The following LAMB4 variants were observed in gnomAD, a reference collection of about 807,000 sequenced individuals.
LAMB4 encodes laminin subunit beta-4.
LAMB4 carries 196 observed loss-of-function variants against 199.2 expected under a neutral mutation model. The observed-to-expected ratio is 0.98, with a 90% confidence interval of 0.88 to 1.11. The LOEUF is 1.11. Among genes scored for constraint, LAMB4 ranks in the 50% least tolerant of loss-of-function variants. LAMB4 has a pLI of 0.00. For missense variants in LAMB4, 2,080 were observed against 2,171.2 expected (o/e 0.96, Z 0.83); for synonymous variants, 744 against 770.6 (o/e 0.97, Z 0.57).
rs986924754 is a variant in LAMB4 at position 108,111,813 on chromosome 7, T to C, written c.326A>G (p.Asn109Ser). ...DREKKWWQSE[N>S]GLDHVSIRLD... ...CTGGAAAGGAACTTAAATCATACCA[T>C]TTTCAGATTGCCACCATTTCTTTTC... The change falls in exon 4 of 34, where the codon AAT becomes AGT. Residue 109 changes from asparagine to serine, a missense_variant and splice_region_variant. Coordinates refer to ENST00000388781, the MANE Select transcript of LAMB4 (RefSeq NM_007356.3). The C allele has an allele frequency of 1.2e-6, 2 of 1,611,212 alleles. No homozygotes were observed. The highest frequency in any genetic ancestry group is 1.7e-6 in the Non-Finnish European group (2 of 1,178,872).
chr7:108,116,402 A>G (rs17155003), intron 2 of LAMB4, among the ~76,000 whole-genome samples: 19,356 of 152,124 alleles, frequency 0.13, 3,987 homozygotes, highest in African/African-American at 0.43. Context: ...TTGGATTAAA[A>G]ATAAATACTT....
chr7:108,045,408 C>A (rs1313670895), intron 28 of LAMB4, among the ~76,000 whole-genome samples: 1 of 152,222 alleles, frequency 6.6e-6, no homozygotes, highest in African/African-American at 2.4e-5. Context: ...TCTTCTGGCA[C>A]TCTTCCTCCT....
At chr7:108,117,301 A>C (rs1487979675) in intron 2 of LAMB4, among the ~76,000 whole-genome samples, 2 of 152,218 alleles carry the variant, frequency 1.3e-5, no homozygotes, top group East Asian at 1.9e-4. Context: ...AAGCATTCTA[A>C]TCATTCCGAG....
rs1233121800 is a variant in LAMB4, at chr7:108,105,858, T to C, written c.829A>G (p.Met277Val). 1.9e-6 allele frequency: 3 copies of C among 1,614,242 alleles called. No individual in the cohort carries two copies. The highest frequency in any genetic ancestry group is 2.2e-5 in the South Asian group (2 of 91,082). Residue 277 changes from methionine to valine, a missense_variant, in exon 8 of 34, where the codon ATG becomes GTG. Transcript: ENST00000388781. ...CNGHASECRP[M>V]QKMRGDVFSP... ...AAAACATCTCCCCGCATCTTCTGCA[T>C]AGGGCGACATTCGCTAGCATGGCCA...
In LAMB4 at chr7:108,092,405, C is replaced by T. The variant is rs199975045; in HGVS notation, c.1482G>A (p.Trp494Ter). The change falls in exon 13 of 34, where the codon TGG becomes TGA. Residue 494 changes from tryptophan to a stop codon, truncating the protein, a stop_gained. Coordinates refer to ENST00000388781, the MANE Select transcript of LAMB4 (RefSeq NM_007356.3). LOFTEE classifies it high-confidence loss of function. ...ACCCATGGAGATGATTTCCCAGGCC[C>T]CAGTATCCAACCTACAGAGAAAAAA... ...AHCEECTVGY[W>*]GLGNHLHGCS... The T allele has an allele frequency of 2.6e-5, 42 of 1,613,698 alleles. No individual in the cohort carries two copies. The highest frequency in any genetic ancestry group is 3.3e-5 in the Non-Finnish European group (39 of 1,179,762).
chr7:108,047,925 G>A lies in LAMB4; in HGVS notation c.4309C>T (p.Arg1437Cys), dbSNP rs140847960. Reference sequence around the variant, plus strand: ...ATATTTACCTGATTTTTCAACCCACGAACCTGTTTGTCCAAATTACGAATA... The same window carrying A: ...ATATTTACCTGATTTTTCAACCCACAAACCTGTTTGTCCAAATTACGAATA... ...SIIRNLDKQV[R>C]GLKNQIESIS... The change falls in exon 28 of 34, where the codon CGT (arginine) becomes TGT (cysteine). Residue 1437 changes from arginine (R) to cysteine (C), a missense_variant. Transcript: ENST00000388781. 25 of 1,613,716 alleles carry A rather than the reference G, an allele frequency of 1.5e-5. No individual in the cohort carries two copies. The highest frequency in any genetic ancestry group is 2.2e-5 in the East Asian group (1 of 44,882).
Position 108,066,529 on chromosome 7 carries a change from C to T in LAMB4, c.2518G>A (p.Gly840Arg), listed in dbSNP as rs1298631049. 2.5e-6 allele frequency: 4 copies of T among 1,614,012 alleles called. No individual in the cohort carries two copies. The highest frequency in any genetic ancestry group is 3.3e-5 in the Admixed American group (2 of 60,018). Residue 840 changes from glycine to arginine, a missense_variant, in exon 20 of 34, where the codon GGA becomes AGA. Physicochemically the swap from Gly to Arg is moderately radical, Grantham distance 125. Transcript: ENST00000388781. ...TCACAGCGGCGGCCAGACACCTCTC[C>T]ATGGCAGGGGCACTGTCCTGTTACT... ...DQVTGQCPCH[G>R]EVSGRRCDRC...
At chr7:108,048,814 T>C (rs964317558) in intron 27 of LAMB4, among the ~76,000 whole-genome samples, 1 of 152,162 alleles carries the variant, frequency 6.6e-6, no homozygotes, top group Non-Finnish European at 1.5e-5. Context: ...TGCCTCAACC[T>C]CCTGAGCAGC....
At chr7:108,066,246 G>T in intron 20 of LAMB4, 123 bp downstream of exon 20, 1 of 733,418 alleles carries the variant, frequency 1.4e-6, no homozygotes, top group Non-Finnish European at 2.2e-6. Flanking sequence ...TGCTCTCCCC[G>T]ACCTATAACA....
At chr7:108,100,626 C>T (rs1373206287) in intron 10 of LAMB4, among the ~76,000 whole-genome samples, 1 of 152,162 alleles carries the variant, frequency 6.6e-6, no homozygotes, top group African/African-American at 2.4e-5. Flanking sequence ...TCTTAAGGAA[C>T]AAGACTTTGA....
chr7:108,032,074 T>C (rs1476448428), intron 31 of LAMB4, among the ~76,000 whole-genome samples: 1 of 152,206 alleles, frequency 6.6e-6, no homozygotes, highest in Non-Finnish European at 1.5e-5. Context: ...TGTTGTTCAT[T>C]ATTTCTGATG....
intron 21 of LAMB4, among the ~76,000 whole-genome samples, chr7:108,065,112 G>A (rs558699959): frequency 6.1e-4 from 92 of 152,000 alleles, no homozygotes; most frequent in Non-Finnish European, 1.1e-3. Context: ...CTTGCTTTGC[G>A]GCCCAGGCTG....
intron 1 of LAMB4, among the ~76,000 whole-genome samples, chr7:108,127,822 G>A (rs956401212): frequency 6.6e-6 from 1 of 152,222 alleles, no homozygotes; most frequent in Non-Finnish European, 1.5e-5. Context: ...AGGCTGTCGT[G>A]TTGGGGTGAG....
chr7:108,070,988 A>T (rs1054466592), intron 17 of LAMB4, among the ~76,000 whole-genome samples: 4 of 152,174 alleles, frequency 2.6e-5, no homozygotes, highest in African/African-American at 9.7e-5. Context: ...CATCCGGAAC[A>T]TTTAGTGCTC....
chr7:108,125,012 T>A (rs1055616831), intron 1 of LAMB4, among the ~76,000 whole-genome samples: 4 of 152,342 alleles, frequency 2.6e-5, no homozygotes, highest in Non-Finnish European at 5.9e-5. Flanking sequence ...AGGCTCTTTA[T>A]GAAGCCTAGG....
intron 26 of LAMB4, among the ~76,000 whole-genome samples, 169 bp from the exon 27 acceptor site, chr7:108,049,700 A>C (rs1056953830): frequency 6.6e-6 from 1 of 152,208 alleles, no homozygotes; most frequent in African/African-American, 2.4e-5. Flanking sequence ...AGGATTAGCT[A>C]TAGTATAATA....
chr7:108,099,531 A>G (rs1346617596), intron 10 of LAMB4, among the ~76,000 whole-genome samples: 1 of 152,214 alleles, frequency 6.6e-6, no homozygotes, highest in African/African-American at 2.4e-5. Context: ...ATGTTGAAAC[A>G]GCACTTGTGG....
chr7:108,078,540 C>G (rs1418215786), intron 15 of LAMB4, among the ~76,000 whole-genome samples: 1 of 152,184 alleles, frequency 6.6e-6, no homozygotes, highest in Non-Finnish European at 1.5e-5. Context: ...TTCTCATGGG[C>G]TCATGAGCCT....
At position 108,066,562 on chromosome 7, in the gene LAMB4, A is replaced by G; in HGVS notation, c.2485T>C (p.Cys829Arg). ...GGGCACTGTCCTGTTACTTGGTCAC[A>G]TACAGTGTCCTTTGATCCTTGAGGA... ...CHPQGSKDTV[C>R]DQVTGQCPCH... The change falls in exon 20 of 34, where the codon TGT (cysteine) becomes CGT (arginine). Residue 829 changes from cysteine to arginine, a missense_variant. Coordinates refer to ENST00000388781, the MANE Select transcript of LAMB4 (RefSeq NM_007356.3). 6.2e-7 allele frequency: 1 copy of G among 1,613,288 alleles called. No individual in the cohort carries two copies. Among genetic ancestry groups the G allele is most frequent in the Non-Finnish European group, 8.5e-7 (1 of 1,179,638 alleles).
Sources: gnomAD v4.1 joint callset for allele counts (sites outside exome capture counted in the v4.1 genomes callset) on GRCh38, gnomAD v4.1.1 for gene constraint, MANE v1.5 for transcripts, NCBI Gene and HGNC (gene_info 2026-07-23, HGNC 2026-07-21) for gene names.